ZMAT4: variants seen among roughly 807,000 people sequenced by gnomAD.
The protein encoded by ZMAT4 is zinc finger matrin-type protein 4.
In ZMAT4, 17 loss-of-function variants were observed where a neutral mutation model predicts 28.7. That is an observed-to-expected ratio of 0.59 (90% CI 0.41 to 0.89). The LOEUF is 0.89. Among genes scored for constraint, ZMAT4 ranks in the 40% least tolerant of loss-of-function variants. ZMAT4 has a pLI of 0.00. For missense variants in ZMAT4, 240 were observed against 283.8 expected (o/e 0.85, Z 1.11); for synonymous variants, 117 against 109.2 (o/e 1.07, Z -0.44).
intron 5 of ZMAT4, among the ~76,000 whole-genome samples, chr8:40,657,279 A>T (rs540851643): frequency 6.6e-6 from 1 of 152,278 alleles, no homozygotes; most frequent in South Asian, 2.1e-4. Flanking sequence ...GTCATTTTCC[A>T]TCCTTTTTGA....
intron 1 of ZMAT4, among the ~76,000 whole-genome samples, chr8:40,844,993 C>T (rs758916631): frequency 6.6e-6 from 1 of 152,116 alleles, no homozygotes; most frequent in Non-Finnish European, 1.5e-5. Context: ...ACCTCACGAC[C>T]ATAAACTGCA....
intron 3 of ZMAT4, among the ~76,000 whole-genome samples, chr8:40,753,274 T>C (rs1315265408): frequency 2.6e-5 from 4 of 152,168 alleles, no homozygotes; most frequent in Admixed American, 2.6e-4. Flanking sequence ...CCAAAGACCA[T>C]GTTCTCTCAG....
intron 2 of ZMAT4, among the ~76,000 whole-genome samples, chr8:40,810,690 A>G (rs191926240): frequency 1.4e-4 from 22 of 152,316 alleles, no homozygotes; most frequent in Middle Eastern, 3.4e-3. Flanking sequence ...GTAGAGCAAA[A>G]TGTTTACTAA....
intron 5 of ZMAT4, among the ~76,000 whole-genome samples, chr8:40,595,968 C>T (rs1388387326): frequency 6.6e-6 from 1 of 151,896 alleles, no homozygotes; most frequent in East Asian, 1.9e-4. Flanking sequence ...CCTGTAATCC[C>T]AGCTACTAAG....
chr8:40,735,634 C>T (rs1209294927), intron 3 of ZMAT4, among the ~76,000 whole-genome samples: 2 of 152,140 alleles, frequency 1.3e-5, no homozygotes, highest in Non-Finnish European at 2.9e-5. Flanking sequence ...TGTGTTATAG[C>T]CACTTTTTCA....
chr8:40,745,558 C>A (rs1182201358), intron 3 of ZMAT4, among the ~76,000 whole-genome samples: 2 of 152,128 alleles, frequency 1.3e-5, no homozygotes, highest in African/African-American at 4.8e-5. Flanking sequence ...AGGTCCTTTC[C>A]CAAGCCAAGG....
At chr8:40,712,878 A>G (rs1810687931) in intron 3 of ZMAT4, among the ~76,000 whole-genome samples, 1 of 152,168 alleles carries the variant, frequency 6.6e-6, no homozygotes, top group Admixed American at 6.5e-5. Flanking sequence ...GAATTTGCTA[A>G]TTGAATTAGC....
At chr8:40,726,812 C>A (rs72639702) in intron 3 of ZMAT4, among the ~76,000 whole-genome samples, 12,298 of 152,244 alleles carry the variant, frequency 0.081, 607 homozygotes, top group East Asian at 0.11. Flanking sequence ...AAAATACTTA[C>A]TTTCTGGCTC....
At chr8:40,799,450 T>C (rs1435907791) in intron 2 of ZMAT4, among the ~76,000 whole-genome samples, 1 of 152,086 alleles carries the variant, frequency 6.6e-6, no homozygotes, top group Non-Finnish European at 1.5e-5. Flanking sequence ...AAGACTAAGG[T>C]TTTTTCTTTA....
At position 40,742,248 on chromosome 8, in the gene ZMAT4, G is replaced by A. The variant is rs142539925; in HGVS notation, c.192+25393C>T. 5.4e-3 allele frequency among the ~76,000 whole-genome samples: 805 copies of A among 150,316 alleles called. 17 individuals carry two copies. The highest frequency in any genetic ancestry group is 0.028 in the East Asian group (142 of 5,112). On this transcript the variant is annotated intron_variant, in intron 3 of 6. Transcript: ENST00000297737. ...GGGTGACAGAGTGAGACCCTGTCTC[G>A]AAAAAAAAGTAGAATACAGAATATT... is the stretch of plus-strand genomic sequence containing the variant.
At chr8:40,600,179 T>C (rs1563358973) in intron 5 of ZMAT4, among the ~76,000 whole-genome samples, 1 of 152,242 alleles carries the variant, frequency 6.6e-6, no homozygotes, top group African/African-American at 2.4e-5. Context: ...TTTAGTGGAC[T>C]GCAGAGGAGG....
At chr8:40,568,194 G>T (rs1200733150) in intron 6 of ZMAT4, among the ~76,000 whole-genome samples, 2 of 152,028 alleles carry the variant, frequency 1.3e-5, no homozygotes, top group Admixed American at 6.6e-5. Context: ...AAATGAACTT[G>T]GTCATTTTGT....
chr8:40,570,978 A>G (rs1178090229), intron 6 of ZMAT4, among the ~76,000 whole-genome samples: 2 of 152,170 alleles, frequency 1.3e-5, no homozygotes, highest in Non-Finnish European at 2.9e-5. Flanking sequence ...CAGCATCGTA[A>G]GAACATGAGA....
At chr8:40,663,566 A>G (rs1375876915) in intron 5 of ZMAT4, among the ~76,000 whole-genome samples, 1 of 151,998 alleles carries the variant, frequency 6.6e-6, no homozygotes, top group Non-Finnish European at 1.5e-5. Flanking sequence ...ATATCACACT[A>G]TTTTCCCACT....
At chr8:40,675,531 C>T (rs1289550809) in intron 4 of ZMAT4, among the ~76,000 whole-genome samples, 2 of 152,052 alleles carry the variant, frequency 1.3e-5, no homozygotes, top group Admixed American at 6.6e-5. Flanking sequence ...TAAAATGCAA[C>T]TAAATAAATA....
In ZMAT4 at chr8:40,827,514, G is replaced by T. The variant is rs1048864637; in HGVS notation, c.-4-1834C>A. Among the ~76,000 whole-genome samples, 3 of 152,182 alleles carry T rather than the reference G, an allele frequency of 2.0e-5. No individual in the cohort carries two copies. The East Asian group carries it at 5.8e-4, about 29-fold the overall frequency. ...AAGTATCTGCCTGAAATAAAAGGAT[G>T]TCTGCCTCAAGTACTCCAATCTCAC... On this transcript the variant is annotated intron_variant, in intron 1 of 6. Transcript: ENST00000297737.
chr8:40,650,346 G>A (rs890123127), intron 5 of ZMAT4, among the ~76,000 whole-genome samples: 6 of 147,854 alleles, frequency 4.1e-5, no homozygotes, highest in Non-Finnish European at 7.5e-5. Flanking sequence ...TAAATTCCTC[G>A]ACACATACAC....
At chr8:40,786,595 G>A (rs1046280306) in intron 2 of ZMAT4, 27 of 904,172 alleles carry the variant, frequency 3.0e-5, no homozygotes, top group African/African-American at 1.9e-4. Context: ...CAGCATGCAC[G>A]TTCTGGTTAT....
intron 1 of ZMAT4, among the ~76,000 whole-genome samples, chr8:40,839,181 C>T (rs1436606654): frequency 2.0e-5 from 3 of 152,172 alleles, no homozygotes; most frequent in Non-Finnish European, 4.4e-5. Context: ...GAAACAAGCC[C>T]TCTGTGACTC....
Sources: gnomAD v4.1 joint callset for allele counts (sites outside exome capture counted in the v4.1 genomes callset) on GRCh38, gnomAD v4.1.1 for gene constraint, MANE v1.5 for transcripts, NCBI Gene and HGNC (gene_info 2026-07-23, HGNC 2026-07-21) for gene names.